The following CES5A variants were observed in gnomAD, a reference collection of about 807,000 sequenced individuals.
The protein encoded by CES5A is carboxylesterase 5A, also known as carboxylesterase 5.
Under a neutral mutation model 62.9 loss-of-function variants are expected in CES5A, and 67 were observed. The observed-to-expected ratio is 1.07, with a 90% CI of 0.88 to 1.31. The LOEUF (loss-of-function observed/expected upper bound fraction) is 1.31, where lower values mean the gene tolerates loss of function less well. CES5A is among the 50% of genes most tolerant of loss of function. The probability of loss-of-function intolerance (pLI) is 0.00; values close to 1 mark genes in which losing one functional copy is unlikely to be tolerated. For missense variants in CES5A, 748 were observed against 708.5 expected (o/e 1.06, Z -0.63); for synonymous variants, 296 against 280.8 (o/e 1.05, Z -0.54).
Position 55,875,231 on chromosome 16 carries a change from T to A in CES5A, c.-10A>T. 3 of 1,613,014 alleles carry A rather than the reference T, an allele frequency of 1.9e-6. No homozygotes were observed. On this transcript the variant is annotated 5_prime_UTR_variant, in exon 1 of 13. Coordinates refer to ENST00000290567, the MANE Select transcript of CES5A (RefSeq NM_001143685.2). ...CCCAATTCCCACTCATTTGGCTGCC[T>A]GCCTGCACTCTGTGAACATTGACGG...
At chr16:55,909,112 T>C (rs557474529) in intron 1 of CES5A, among the ~76,000 whole-genome samples, 2 of 152,326 alleles carry the variant, frequency 1.3e-5, no homozygotes, top group Admixed American at 6.5e-5. Flanking sequence ...GCAATTTTCA[T>C]TTGCCTTCGT....
chr16:55,921,072 G>C (rs1424798246), intron 1 of CES5A, among the ~76,000 whole-genome samples: 1 of 151,908 alleles, frequency 6.6e-6, no homozygotes, highest in Non-Finnish European at 1.5e-5. Context: ...TACACACTCA[G>C]AGAAGAAAAA....
At chr16:55,911,780 A>G (rs1225021734) in intron 1 of CES5A, among the ~76,000 whole-genome samples, 1 of 152,316 alleles carries the variant, frequency 6.6e-6, no homozygotes, top group South Asian at 2.1e-4. Context: ...AGCAAAACGC[A>G]GAACTGGGCC....
intron 5 of CES5A, among the ~76,000 whole-genome samples, chr16:55,865,426 G>A (rs2033437089): frequency 6.6e-6 from 1 of 152,154 alleles, no homozygotes; most frequent in Admixed American, 6.5e-5. Flanking sequence ...GCATCTTTAA[G>A]TTTGCGCCCA....
intron 11 of CES5A, among the ~76,000 whole-genome samples, chr16:55,848,450 C>G (rs2033061190): frequency 6.6e-6 from 1 of 152,152 alleles, no homozygotes; most frequent in African/African-American, 2.4e-5. Context: ...ATAGACTTCT[C>G]TATTAATGTA....
chr16:55,846,314 A>G lies in CES5A; in HGVS notation c.*137T>C. ...AAGAATTCTGTAAGGATCATTCCTA[A>G]GTCCATAAAATATCAGCGAAAGCAG... On this transcript the variant is annotated 3_prime_UTR_variant, in exon 13 of 13. Coordinates refer to ENST00000290567, the MANE Select transcript of CES5A (RefSeq NM_001143685.2). The G allele has an allele frequency of 1.5e-6, 1 of 668,816 alleles. No individual in the cohort carries two copies. Among genetic ancestry groups the G allele is most frequent in the Non-Finnish European group, 2.6e-6 (1 of 388,226 alleles). The allele number at this position is 668,816 out of a possible 1,614,324, so 41.4% of individuals were successfully genotyped here.
At chr16:55,913,170 G>T (rs2034111909) in intron 1 of CES5A, among the ~76,000 whole-genome samples, 1 of 152,188 alleles carries the variant, frequency 6.6e-6, no homozygotes, top group African/African-American at 2.4e-5. Flanking sequence ...GGGGAGTGCT[G>T]ATTGGTCAGG....
At chr16:55,874,319 T>TGA (rs769516659) in intron 1 of CES5A, among the ~76,000 whole-genome samples, 18 of 152,180 alleles carry the variant, frequency 1.2e-4, no homozygotes, top group Admixed American at 7.8e-4. Context: ...TCCCTTCTGC[T>TGA]GAGAGCGCTT....
intron 10 of CES5A, 147 bp downstream of exon 10, chr16:55,852,734 G>T (rs1402629551): frequency 6.4e-6 from 5 of 785,006 alleles, no homozygotes; most frequent in African/African-American, 5.2e-5. Context: ...GGTCCCCATG[G>T]CATGTTTCCA....
At chr16:55,903,823 G>T (rs1410506489) in intron 1 of CES5A, among the ~76,000 whole-genome samples, 1 of 152,170 alleles carries the variant, frequency 6.6e-6, no homozygotes, top group East Asian at 1.9e-4. Context: ...AGCCATCAAA[G>T]AAATTGTCTA....
rs1366573526 is a variant in CES5A, at chr16:55,856,391, T to C, written c.1111A>G (p.Ile371Val). The part of the protein sequence containing the change: ...GSNKSLALHL[I>V]QNILHIPPQY... ...AAGCTACTCACCAGGATGTTTTGTA[T>C]CAGATGGAGGGCAAGGGACTTGTTG... Residue 371 changes from isoleucine (I) to valine (V), a missense_variant, in exon 9 of 13, where the codon ATA (isoleucine) becomes GTA (valine). Transcript: ENST00000290567. The C allele has an allele frequency of 6.2e-7, 1 of 1,614,064 alleles. No individual in the cohort carries two copies. The highest frequency in any genetic ancestry group is 1.7e-5 in the Admixed American group (1 of 60,016).
At chr16:55,852,607 G>T (rs1265795616) in intron 10 of CES5A, among the ~76,000 whole-genome samples, 1 of 152,176 alleles carries the variant, frequency 6.6e-6, no homozygotes, top group African/African-American at 2.4e-5. Context: ...AATCCTTGGG[G>T]ATGGCGCCCA....
At chr16:55,901,952 C>T (rs1219513587) in intron 1 of CES5A, among the ~76,000 whole-genome samples, 3 of 152,196 alleles carry the variant, frequency 2.0e-5, no homozygotes, top group Non-Finnish European at 4.4e-5. Context: ...ATTCCTCATC[C>T]TTGTTCCTTT....
intron 1 of CES5A, among the ~76,000 whole-genome samples, chr16:55,900,819 G>T (rs1313487850): frequency 1.3e-5 from 2 of 152,186 alleles, no homozygotes; most frequent in Non-Finnish European, 2.9e-5. Flanking sequence ...TTAGTATCAG[G>T]ACACTTAAAT....
At chr16:55,944,470 T>C (rs186879572) in intron 2 of CES5A, 14 of 169,130 alleles carry the variant, frequency 8.3e-5, no homozygotes, top group African/African-American at 2.8e-4. Context: ...CTCAGACCAC[T>C]AGATGGCGGT....
At chr16:55,947,043 G>A (rs1388991142) in intron 2 of CES5A, among the ~76,000 whole-genome samples, 2 of 152,210 alleles carry the variant, frequency 1.3e-5, no homozygotes, top group Non-Finnish European at 2.9e-5. Flanking sequence ...ACACAGGAGG[G>A]GCATGGGAAG....
intron 1 of CES5A, among the ~76,000 whole-genome samples, chr16:55,874,855 G>A (rs1475595066): frequency 6.6e-6 from 1 of 152,186 alleles, no homozygotes; most frequent in African/African-American, 2.4e-5. Context: ...GAGTGCAGAA[G>A]CACAGGCTCT....
intron 1 of CES5A, among the ~76,000 whole-genome samples, chr16:55,900,193 G>C (rs1334121658): frequency 6.6e-6 from 1 of 152,120 alleles, no homozygotes; most frequent in Non-Finnish European, 1.5e-5. Flanking sequence ...CTCACTTACT[G>C]CTGTCATGCC....
intron 11 of CES5A, 121 bp downstream of exon 11, chr16:55,849,503 G>C: frequency 9.4e-7 from 1 of 1,062,982 alleles, no homozygotes; most frequent in Non-Finnish European, 1.4e-6. Flanking sequence ...GAGAAAGGTT[G>C]TGTCCGCCTA....
Sources: gnomAD v4.1 joint callset for allele counts (sites outside exome capture counted in the v4.1 genomes callset) on GRCh38, gnomAD v4.1.1 for gene constraint, MANE v1.5 for transcripts, NCBI Gene and HGNC (gene_info 2026-07-23, HGNC 2026-07-21) for gene names.